Variants in IGF2BP2 observed in about 807,000 individuals in gnomAD.
IGF2BP2 encodes the protein insulin like growth factor 2 mRNA binding protein 2.
A neutral mutation model predicts 75.8 loss-of-function variants in IGF2BP2; 17 were observed. The observed-to-expected ratio is 0.22, with a 90% CI of 0.15 to 0.34. The LOEUF is 0.34. IGF2BP2 is among the 10% of genes least tolerant of loss of function. The probability of loss-of-function intolerance (pLI) is 1.00; values close to 1 mark genes in which losing one functional copy is unlikely to be tolerated. For synonymous variants in IGF2BP2, 288 were observed against 295.6 expected, an observed-to-expected ratio of 0.97 and a Z score of 0.26; for missense variants, 516 against 772.4, an observed-to-expected ratio of 0.67 and a Z score of 3.93.
At chr3:185,696,324 C>G (rs1722572739) in intron 4 of IGF2BP2, 3 of 366,454 alleles carry the variant, frequency 8.2e-6, no homozygotes, top group Non-Finnish European at 1.5e-5. Context: ...TTAAGCTTAC[C>G]CTAGCCTGAC....
chr3:185,757,354 G>GA lies in IGF2BP2; in HGVS notation c.240-59008dup, dbSNP rs879743193. On this transcript the variant is annotated intron_variant, in intron 2 of 15. Coordinates refer to ENST00000382199, the MANE Select transcript of IGF2BP2 (RefSeq NM_006548.6). ...AGTTAGTTGCTGAGTAGAAAATGGT[G>GA]AAAAAAACTCCACACAAACAGGGTT... Among the ~76,000 whole-genome samples the GA allele has an allele frequency of 3.3e-5, 5 of 151,228 alleles. No individual in the cohort carries two copies. In the East Asian group the frequency reaches 7.7e-4, roughly 23 times the overall value.
At chr3:185,725,433 G>T (rs1405258545) in intron 2 of IGF2BP2, among the ~76,000 whole-genome samples, 1 of 152,154 alleles carries the variant, frequency 6.6e-6, no homozygotes, top group Non-Finnish European at 1.5e-5. Context: ...GAATATTAGG[G>T]CAGGTGGAGG....
At chr3:185,804,315 C>T (rs1738692314) in intron 2 of IGF2BP2, among the ~76,000 whole-genome samples, 2 of 151,504 alleles carry the variant, frequency 1.3e-5, no homozygotes, top group South Asian at 4.2e-4. Context: ...GCCTGTAATC[C>T]CAGCTACTCG....
At chr3:185,734,271 G>A (rs998929978) in intron 2 of IGF2BP2, among the ~76,000 whole-genome samples, 2 of 152,142 alleles carry the variant, frequency 1.3e-5, no homozygotes, top group Admixed American at 6.5e-5. Context: ...CTGTGAGGGC[G>A]GGTTGGGCAA....
In IGF2BP2 at chr3:185,822,701, A is replaced by G. The variant is rs946160748; in HGVS notation, c.239+452T>C. On this transcript the variant is annotated intron_variant, in intron 2 of 15. Transcript: ENST00000382199. ...TATTGACCCCTTACTGAATTATTTTACTATTCAACATTAAACTATCTAAAA... is the reference window on the plus strand; with the variant it reads ...TATTGACCCCTTACTGAATTATTTTGCTATTCAACATTAAACTATCTAAAA... 3.3e-5 allele frequency among the ~76,000 whole-genome samples: 5 copies of G among 152,376 alleles called. No homozygotes were observed. The East Asian group carries it at 9.6e-4, about 29-fold the overall frequency.
At chr3:185,824,029 G>C (rs937905676) in intron 1 of IGF2BP2, among the ~76,000 whole-genome samples, 1 of 152,044 alleles carries the variant, frequency 6.6e-6, no homozygotes, top group Non-Finnish European at 1.5e-5. Flanking sequence ...GGGACGGGCG[G>C]CGGAAAGCCC....
rs1230975601 is a variant in IGF2BP2, at chr3:185,689,706, C to T, written c.405-79G>A. 19 of 1,541,012 alleles carry T rather than the reference C, an allele frequency of 1.2e-5. 1 individual carries two copies. The Admixed American group carries it at 2.0e-4, about 17-fold the overall frequency. On this transcript the variant is annotated intron_variant, in intron 5 of 15. Transcript: ENST00000382199. ...CCTCCCGGCCGGGCGCGGTGGCTCACGCCTGTAATCCCAGCACTTTGGGAG... is the reference window on the plus strand; with the variant it reads ...CCTCCCGGCCGGGCGCGGTGGCTCATGCCTGTAATCCCAGCACTTTGGGAG...
intron 7 of IGF2BP2, among the ~76,000 whole-genome samples, chr3:185,676,774 GATATATATTTACTGGAA>G (rs1560274471): frequency 1.5e-5 from 2 of 137,024 alleles, no homozygotes; most frequent in African/African-American, 5.3e-5. Context: ...TATATATGGA[GATATATATTTACTGGAA>G]ATATATATAT....
intron 10 of IGF2BP2, among the ~76,000 whole-genome samples, chr3:185,669,249 G>A (rs933352578): frequency 1.3e-5 from 2 of 151,976 alleles, no homozygotes; most frequent in Non-Finnish European, 2.9e-5. Context: ...CTACTTCCAG[G>A]AAATTATTCT....
intron 7 of IGF2BP2, among the ~76,000 whole-genome samples, chr3:185,678,155 T>C (rs1719837730): frequency 6.6e-6 from 1 of 152,184 alleles, no homozygotes; most frequent in Non-Finnish European, 1.5e-5. Context: ...CTGACACACA[T>C]TATAATCAAA....
chr3:185,812,314 C>T (rs191693665), intron 2 of IGF2BP2, among the ~76,000 whole-genome samples: 1 of 152,322 alleles, frequency 6.6e-6, no homozygotes, highest in African/African-American at 2.4e-5. Flanking sequence ...TCTTCAAAGG[C>T]AGTTGACTCT....
chr3:185,698,271 A>C, intron 3 of IGF2BP2, 28 bp downstream of exon 3: 1 of 1,596,974 alleles, frequency 6.3e-7, no homozygotes, highest in Middle Eastern at 1.7e-4. Context: ...ATGTCTCATC[A>C]ACCCATTAAA....
intron 14 of IGF2BP2, among the ~76,000 whole-genome samples, chr3:185,648,751 GTGTT>G (rs1714047913): frequency 6.6e-6 from 1 of 151,920 alleles, no homozygotes; most frequent in Admixed American, 6.6e-5. Context: ...AAACTACACT[GTGTT>G]TGTTCCTGCA....
chr3:185,787,291 GATGTT>G (rs1315343469), intron 2 of IGF2BP2, among the ~76,000 whole-genome samples: 1 of 151,822 alleles, frequency 6.6e-6, no homozygotes, highest in Non-Finnish European at 1.5e-5. Flanking sequence ...TGGTAAAGGC[GATGTT>G]ATATGTATTT....
chr3:185,690,663 A>G (rs539928374), intron 5 of IGF2BP2, among the ~76,000 whole-genome samples: 2 of 152,364 alleles, frequency 1.3e-5, no homozygotes, highest in Non-Finnish European at 2.9e-5. Context: ...AATTCCTAGT[A>G]GAATTGTTAA....
intron 7 of IGF2BP2, among the ~76,000 whole-genome samples, chr3:185,679,294 T>C (rs1194811586): frequency 1.3e-5 from 2 of 152,172 alleles, no homozygotes; most frequent in African/African-American, 2.4e-5. Flanking sequence ...GTGGATACTA[T>C]TGCAATTACA....
At chr3:185,720,003 A>C (rs893947476) in intron 2 of IGF2BP2, among the ~76,000 whole-genome samples, 5 of 152,196 alleles carry the variant, frequency 3.3e-5, no homozygotes, top group Admixed American at 3.3e-4. Context: ...ACAGCTGCAG[A>C]TGTACAATTG....
chr3:185,742,605 T>C (rs925780127), intron 2 of IGF2BP2, among the ~76,000 whole-genome samples: 3 of 151,640 alleles, frequency 2.0e-5, no homozygotes, highest in Admixed American at 1.3e-4. Flanking sequence ...TACGGTGAGC[T>C]ATGATCACCC....
intron 2 of IGF2BP2, among the ~76,000 whole-genome samples, chr3:185,786,563 C>A (rs1227661955): frequency 7.1e-6 from 1 of 141,076 alleles, no homozygotes; most frequent in Non-Finnish European, 1.5e-5. Flanking sequence ...AAGAGAAAAA[C>A]CCCCTTTGAT....
Sources: allele counts gnomAD v4.1 joint callset (sites outside exome capture counted in the v4.1 genomes callset), GRCh38; gene constraint gnomAD v4.1.1; transcripts MANE v1.5; gene names NCBI Gene and HGNC (gene_info 2026-07-23, HGNC 2026-07-21).